CAMK2D: variants seen among roughly 807,000 people sequenced by gnomAD.
CAMK2D encodes calcium/calmodulin dependent protein kinase II delta.
A neutral mutation model predicts 84.0 loss-of-function variants in CAMK2D; 37 were observed. The ratio of observed to expected loss-of-function variants is 0.44; its 90% CI spans 0.34 to 0.58. The LOEUF (loss-of-function observed/expected upper bound fraction) is 0.58. Ranked by LOEUF, CAMK2D falls within the 20% of genes least tolerant of loss-of-function variation. The probability of loss-of-function intolerance (pLI) is 0.02; values close to 1 mark genes in which losing one functional copy is unlikely to be tolerated. For synonymous variants in CAMK2D, 202 were observed against 212.5 expected (o/e 0.95, Z 0.43); for missense variants, 448 against 652.5 (o/e 0.69, Z 3.41).
At chr4:113,711,955 G>C (rs1247692673) in intron 2 of CAMK2D, among the ~76,000 whole-genome samples, 4 of 152,042 alleles carry the variant, frequency 2.6e-5, no homozygotes, top group Non-Finnish European at 5.9e-5. Context: ...CTCTTAAGTA[G>C]AGCAGCCACT....
At chr4:113,734,123 T>C (rs922832069) in intron 2 of CAMK2D, among the ~76,000 whole-genome samples, 5 of 152,144 alleles carry the variant, frequency 3.3e-5, no homozygotes, top group Non-Finnish European at 7.4e-5. Context: ...TAGGGGTAGT[T>C]GATGTGTTTT....
At chr4:113,663,852 T>G (rs1202353762) in intron 2 of CAMK2D, among the ~76,000 whole-genome samples, 1 of 152,112 alleles carries the variant, frequency 6.6e-6, no homozygotes, top group African/African-American at 2.4e-5. Context: ...AATTATCGTA[T>G]GAGCTGAACT....
intron 16 of CAMK2D, among the ~76,000 whole-genome samples, chr4:113,480,508 C>T (rs1409677397): frequency 1.3e-5 from 2 of 152,074 alleles, no homozygotes; most frequent in Non-Finnish European, 1.5e-5. Flanking sequence ...ACAGGTGGGG[C>T]CCTTGAGTGG....
intron 2 of CAMK2D, chr4:113,754,102 A>G (rs2099623157): frequency 1.1e-6 from 1 of 873,428 alleles, no homozygotes; most frequent in South Asian, 5.3e-5. Context: ...ATATAAAGAT[A>G]TGTTTTACAG....
intron 4 of CAMK2D, among the ~76,000 whole-genome samples, chr4:113,604,993 GCATAA>G (rs959941923): frequency 8.5e-5 from 13 of 152,180 alleles, no homozygotes; most frequent in African/African-American, 2.9e-4. Context: ...TGCCACTTTG[GCATAA>G]GGATTATTTT....
rs143654780 is a variant in CAMK2D at position 113,462,266 on chromosome 4, ATGTGTGTG to A, written c.1212-2033_1212-2026del. Among the ~76,000 whole-genome samples, 842 of 109,874 alleles carry A rather than the reference ATGTGTGTG, an allele frequency of 7.7e-3. 6 individuals carry two copies. Among genetic ancestry groups the A allele is most frequent in the African/African-American group, 0.02 (521 of 25,416 alleles). 72.1% of individuals were successfully genotyped at this position (109,874 alleles called of 152,430 possible). A position where few individuals can be genotyped will look rare whatever the true frequency, so the allele number is the denominator to read the frequency against. On this transcript the variant is annotated intron_variant, in intron 17 of 20. Coordinates refer to ENST00000511664, the MANE Select transcript of CAMK2D (RefSeq NM_001321571.2). ...TGAAAAAGAGTCAGTATATTTGGAA[ATGTGTGTG>A]TGTGTGTGTGTGTGTGTGTGTCTGT...
intron 8 of CAMK2D, among the ~76,000 whole-genome samples, chr4:113,527,466 AC>A (rs2098426682): frequency 6.6e-6 from 1 of 152,130 alleles, no homozygotes; most frequent in Non-Finnish European, 1.5e-5. Flanking sequence ...TACTTAATAG[AC>A]TATAGTACAC....
intron 4 of CAMK2D, among the ~76,000 whole-genome samples, chr4:113,576,978 A>T (rs1176426743): frequency 6.6e-6 from 1 of 152,150 alleles, no homozygotes; most frequent in Non-Finnish European, 1.5e-5. Context: ...TTCATTTCAA[A>T]GAGGATTAAA....
At chr4:113,570,840 A>G (rs913091047) in intron 4 of CAMK2D, among the ~76,000 whole-genome samples, 3 of 152,102 alleles carry the variant, frequency 2.0e-5, no homozygotes, top group East Asian at 3.8e-4. Flanking sequence ...AAAGGAAACA[A>G]TCAACAGAGT....
chr4:113,721,033 C>T (rs1654509439), intron 2 of CAMK2D, among the ~76,000 whole-genome samples: 1 of 152,034 alleles, frequency 6.6e-6, no homozygotes, highest in Non-Finnish European at 1.5e-5. Flanking sequence ...AACTTCATTT[C>T]CAAACTTCAC....
intron 7 of CAMK2D, among the ~76,000 whole-genome samples, chr4:113,533,317 C>T (rs926304360): frequency 1.3e-4 from 19 of 151,912 alleles, no homozygotes; most frequent in Non-Finnish European, 2.5e-4. Flanking sequence ...AAAGAATGTA[C>T]GGTACAATGT....
At chr4:113,458,355 T>C (rs1589640210) in intron 18 of CAMK2D, among the ~76,000 whole-genome samples, 1 of 152,244 alleles carries the variant, frequency 6.6e-6, no homozygotes, top group African/African-American at 2.4e-5. Flanking sequence ...TGATGCTGTT[T>C]CTTTCTTAGA....
chr4:113,705,340 A>AAG (rs2099445207), intron 2 of CAMK2D, among the ~76,000 whole-genome samples: 1 of 151,356 alleles, frequency 6.6e-6, no homozygotes, highest in African/African-American at 2.4e-5. Flanking sequence ...AAAAAAAAAA[A>AAG]AAAGAAAAGT....
intron 2 of CAMK2D, among the ~76,000 whole-genome samples, chr4:113,704,348 G>C (rs1481773819): frequency 2.6e-5 from 4 of 151,640 alleles, no homozygotes; most frequent in Non-Finnish European, 4.4e-5. Context: ...GGATATTCTG[G>C]CATATTTTAC....
rs977255508 is a variant in CAMK2D, at chr4:113,719,267, T to C, written c.160+40053A>G. Among the ~76,000 whole-genome samples, 3 of 152,150 alleles carry C rather than the reference T, an allele frequency of 2.0e-5. No individual in the cohort carries two copies. The East Asian group carries it at 5.8e-4, about 29-fold the overall frequency. On this transcript the variant is annotated intron_variant, in intron 2 of 20. Coordinates refer to ENST00000511664, the MANE Select transcript of CAMK2D (RefSeq NM_001321571.2). ...AGTCCCTCATACTAATGTTCAGAAA[T>C]CAGGAGAGAGATGATAGCCAAATTC...
intron 2 of CAMK2D, among the ~76,000 whole-genome samples, chr4:113,680,802 C>T (rs2099343082): frequency 6.6e-6 from 1 of 152,156 alleles, no homozygotes; most frequent in African/African-American, 2.4e-5. Flanking sequence ...TGGCACCATC[C>T]TGTGCAAGGA....
At chr4:113,658,771 A>T (rs2099214043) in intron 3 of CAMK2D, among the ~76,000 whole-genome samples, 1 of 152,192 alleles carries the variant, frequency 6.6e-6, no homozygotes, top group East Asian at 1.9e-4. Context: ...ATGTCTCATA[A>T]ATTTAATCCA....
chr4:113,474,498 CTTTTTTTTTTTTTTTT>C (rs70961831), intron 16 of CAMK2D, among the ~76,000 whole-genome samples: 2 of 89,822 alleles, frequency 2.2e-5, no homozygotes, highest in Admixed American at 1.4e-4. Flanking sequence ...CCTTTTTGGC[CTTTTTTTTTTTTTTTT>C]TTTTTTTTTT....
chr4:113,641,662 T>C (rs1043673174), intron 3 of CAMK2D, among the ~76,000 whole-genome samples: 1 of 152,232 alleles, frequency 6.6e-6, no homozygotes, highest in African/African-American at 2.4e-5. Context: ...ACGTTTTTTA[T>C]AAATTGTGGC....
Sources: allele counts gnomAD v4.1 joint callset (sites outside exome capture counted in the v4.1 genomes callset), GRCh38; gene constraint gnomAD v4.1.1; transcripts MANE v1.5; gene names NCBI Gene and HGNC (gene_info 2026-07-23, HGNC 2026-07-21).